ZNF765: variants seen among roughly 807,000 people sequenced by gnomAD.
The protein encoded by ZNF765 is zinc finger protein 765.
Under a neutral mutation model 44.7 loss-of-function variants are expected in ZNF765, and 37 were observed. The ratio of observed to expected loss-of-function variants is 0.83; its 90% CI spans 0.64 to 1.09. The LOEUF is 1.09. Ranked by LOEUF, ZNF765 falls within the 50% of genes least tolerant of loss-of-function variation. The pLI is 0.00. For missense variants in ZNF765, 594 were observed against 626.1 expected, an observed-to-expected ratio of 0.95 and a Z score of 0.55; for synonymous variants, 201 against 213.7, an observed-to-expected ratio of 0.94 and a Z score of 0.52.
At chr19:53,412,939 G>A (rs1182293017), downstream of ZNF765, among the ~76,000 whole-genome samples, 4 of 152,084 alleles carry the variant, frequency 2.6e-5, no homozygotes, top group East Asian at 1.9e-4. Flanking sequence ...GTGAAACCCC[G>A]TCTCTACTAA....
At chr19:53,418,666 G>T (rs1409051400) in intron 3 of ZNF765, among the ~76,000 whole-genome samples, 2 of 152,036 alleles carry the variant, frequency 1.3e-5, no homozygotes, top group African/African-American at 2.4e-5. Flanking sequence ...GGAGGCCAAT[G>T]GTGGGGGGGG....
chr19:53,410,047 T>G lies in ZNF765; in HGVS notation c.*920T>G, dbSNP rs2085819205. 1 of 477,058 alleles carries G rather than the reference T, an allele frequency of 2.1e-6. No homozygotes were observed. The highest frequency in any genetic ancestry group is 2.0e-5 in the African/African-American group (1 of 50,204). 29.6% of individuals were successfully genotyped at this position (477,058 alleles called of 1,614,324 possible). A position where few individuals can be genotyped will look rare whatever the true frequency, so the allele number is the denominator to read the frequency against. ...ATGCAGAAAATTTTTCAGACATCCTTCATACCTTTGCAGTTCATGGGTGAA... is the reference window on the plus strand; with the variant it reads ...ATGCAGAAAATTTTTCAGACATCCTGCATACCTTTGCAGTTCATGGGTGAA... On this transcript the variant is annotated 3_prime_UTR_variant, in exon 4 of 4. Transcript: ENST00000396408.
At chr19:53,404,643 G>C (rs1203153397) in intron 3 of ZNF765, among the ~76,000 whole-genome samples, 1 of 151,992 alleles carries the variant, frequency 6.6e-6, no homozygotes, top group Non-Finnish European at 1.5e-5. Flanking sequence ...GTGTGTTTGT[G>C]TAGAAATGGG....
intron 2 of ZNF765, among the ~76,000 whole-genome samples, chr19:53,401,379 C>T (rs1039915438): frequency 1.3e-4 from 20 of 151,446 alleles, no homozygotes; most frequent in Non-Finnish European, 2.2e-4. Context: ...CTGGCTAACA[C>T]GGTGAAACCC....
intron 3 of ZNF765, among the ~76,000 whole-genome samples, chr19:53,421,856 A>G (rs910410509): frequency 6.6e-6 from 1 of 152,124 alleles, no homozygotes; most frequent in Non-Finnish European, 1.5e-5. Context: ...ATGATGCCCT[A>G]GTGTTTCACG....
At chr19:53,415,961 T>C (rs1050354055), downstream of ZNF765, among the ~76,000 whole-genome samples, 41 of 151,972 alleles carry the variant, frequency 2.7e-4, 1 homozygote, top group Admixed American at 6.6e-5. Flanking sequence ...TTGTTTTTTG[T>C]TTTTTGTTTT....
At chr19:53,422,785 G>A (rs1347630879) in intron 3 of ZNF765, among the ~76,000 whole-genome samples, 1 of 152,126 alleles carries the variant, frequency 6.6e-6, no homozygotes, top group Non-Finnish European at 1.5e-5. Flanking sequence ...AGCAGCCTGT[G>A]AGAACTGACA....
Position 53,407,788 on chromosome 19 carries a change from A to G in ZNF765, c.233A>G (p.Glu78Gly), listed in dbSNP as rs116731689. ...VFHAGTSQRHESHHNGDFCFQ... is the reference protein window; with the variant it reads ...VFHAGTSQRHGSHHNGDFCFQ... ...CATGCAGGGACATCTCAAAGACATG[A>G]AAGTCATCACAATGGAGATTTTTGT... Residue 78 changes from glutamate to glycine, a missense_variant, in exon 4 of 4, where the codon GAA becomes GGA. Glu to Gly is a moderately conservative substitution (Grantham distance 98). Around this residue, in one of 2 missense-constraint regions of ZNF765, gnomAD observed 567 missense variants for 572.6 expected, o/e 0.99. Transcript: ENST00000396408. 8,073 of 1,612,510 alleles carry G rather than the reference A, an allele frequency of 5.0e-3. 330 individuals are homozygous for G. In the African/African-American group the frequency reaches 0.093, roughly 19 times the overall value.
rs1447036658 is a variant in ZNF765 at position 53,408,240 on chromosome 19, C to T, written c.685C>T (p.Leu229Phe). Residue 229 changes from leucine (L) to phenylalanine (F), a missense_variant, in exon 4 of 4, where the codon CTC (leucine) becomes TTC (phenylalanine). This residue lies in a region of ZNF765 where 567 missense variants were observed against 572.6 expected (regional missense o/e 0.99). Coordinates refer to ENST00000396408, the MANE Select transcript of ZNF765 (RefSeq NM_001040185.3). ...DSGKAYNCSS[L>F]LRKHQLIHLG... is the part of the protein sequence containing the mutation. ...TGGCAAAGCCTATAATTGTAGCTCA[C>T]TCTTAAGGAAACATCAGTTAATCCA... 6 of 1,614,106 alleles carry T rather than the reference C, an allele frequency of 3.7e-6. No homozygotes were observed. The Admixed American group carries it at 1.0e-4, about 27-fold the overall frequency.
intron 1 of ZNF765, among the ~76,000 whole-genome samples, chr19:53,396,585 T>G (rs2085672790): frequency 6.6e-6 from 1 of 150,522 alleles, no homozygotes; most frequent in African/African-American, 2.5e-5. Flanking sequence ...AAATACAGAC[T>G]TTTTTTTTCT....
intron 2 of ZNF765, among the ~76,000 whole-genome samples, chr19:53,401,007 ATT>A (rs928781438): frequency 1.4e-5 from 2 of 142,340 alleles, no homozygotes. Flanking sequence ...TAATTCGCTA[ATT>A]TTTTTTTTTT....
chr19:53,401,140 A>C (rs1307068871), intron 2 of ZNF765, among the ~76,000 whole-genome samples: 1 of 152,102 alleles, frequency 6.6e-6, no homozygotes, highest in Non-Finnish European at 1.5e-5. Flanking sequence ...AGCTGGGATA[A>C]CAGGCATGTG....
At chr19:53,401,588 C>T (rs1406097975) in intron 2 of ZNF765, among the ~76,000 whole-genome samples, 1 of 129,876 alleles carries the variant, frequency 7.7e-6, no homozygotes, top group African/African-American at 2.9e-5. Flanking sequence ...AAAAAAAAAA[C>T]GTTTCTGGGC....
downstream of ZNF765, among the ~76,000 whole-genome samples, chr19:53,413,539 TA>T (rs200542078): frequency 8.7e-5 from 13 of 150,216 alleles, no homozygotes; most frequent in South Asian, 2.1e-4. Context: ...GCTTTTCATT[TA>T]AAAAAAAAGT....
At position 53,409,327 on chromosome 19, in the gene ZNF765, C is replaced by G; in HGVS notation, c.*200C>G. ...GGCAAGACCTTGAGTCATACGTCAT[C>G]TTTTGTGTACCATCATAAACTTCAT... On this transcript the variant is annotated 3_prime_UTR_variant, in exon 4 of 4. Coordinates refer to ENST00000396408, the MANE Select transcript of ZNF765 (RefSeq NM_001040185.3). 7 of 858,772 alleles carry G rather than the reference C, an allele frequency of 8.2e-6. No homozygotes were observed. In the South Asian group the frequency reaches 9.6e-5, roughly 12 times the overall value. The allele number at this position is 858,772 out of a possible 1,614,324, so 53.2% of individuals were successfully genotyped here.
downstream of ZNF765, among the ~76,000 whole-genome samples, chr19:53,415,955 T>TG: frequency 9.9e-6 from 1 of 100,718 alleles, no homozygotes; most frequent in South Asian, 3.6e-4. Context: ...TTTGTTTTGT[T>TG]TTTTGTTTTT....
At chr19:53,403,249 G>C (rs550584348) in intron 3 of ZNF765, among the ~76,000 whole-genome samples, 1 of 152,238 alleles carries the variant, frequency 6.6e-6, no homozygotes, top group South Asian at 2.1e-4. Context: ...GATTCCTGTT[G>C]ATTCAGCCAG....
In ZNF765 at chr19:53,408,242, C is replaced by G; in HGVS notation, c.687C>G (p.Leu229=). The G allele has an allele frequency of 1.2e-6, 2 of 1,614,224 alleles. No individual in the cohort carries two copies. Among genetic ancestry groups the G allele is most frequent in the African/African-American group, 1.3e-5 (1 of 75,064 alleles). Residue 229 remains leucine, a synonymous_variant, in exon 4 of 4, where the codon CTC becomes CTG. Transcript: ENST00000396408. ...GCAAAGCCTATAATTGTAGCTCACTCTTAAGGAAACATCAGTTAATCCATT... is the reference window on the plus strand; with the variant it reads ...GCAAAGCCTATAATTGTAGCTCACTGTTAAGGAAACATCAGTTAATCCATT... ...DSGKAYNCSS[L]LRKHQLIHLG... is the part of the protein sequence containing the mutation.
chr19:53,422,572 A>G (rs1342484495), intron 3 of ZNF765, among the ~76,000 whole-genome samples: 6 of 151,896 alleles, frequency 4.0e-5, no homozygotes, highest in Non-Finnish European at 7.4e-5. Flanking sequence ...TTATTTTTAT[A>G]TATTTACTTA....
Sources: allele counts gnomAD v4.1 joint callset (sites outside exome capture counted in the v4.1 genomes callset), GRCh38; gene constraint gnomAD v4.1.1; regional missense constraint gnomAD v4.1.1; transcripts MANE v1.5; gene names NCBI Gene and HGNC (gene_info 2026-07-23, HGNC 2026-07-21).